Variants in PACRG observed in about 807,000 individuals in gnomAD.
PACRG encodes the protein parkin coregulated gene protein.
A neutral mutation model predicts 29.7 loss-of-function variants in PACRG; 29 were observed. That is an observed-to-expected ratio of 0.98 (90% CI 0.73 to 1.33). The LOEUF (loss-of-function observed/expected upper bound fraction) is 1.33. Ranked by LOEUF, PACRG falls within the 40% of genes most tolerant of loss-of-function variation. PACRG has a pLI of 0.00. For missense variants in PACRG, 279 were observed against 316.2 expected, an observed-to-expected ratio of 0.88 and a Z score of 0.89; for synonymous variants, 116 against 118.7, an observed-to-expected ratio of 0.98 and a Z score of 0.15.
intron 2 of PACRG, among the ~76,000 whole-genome samples, chr6:162,960,816 T>C (rs1007934772): frequency 6.8e-6 from 1 of 146,986 alleles, no homozygotes; most frequent in African/African-American, 2.5e-5. Flanking sequence ...ACACAAACAA[T>C]GTCAGAACAT....
intron 1 of PACRG, among the ~76,000 whole-genome samples, chr6:162,733,280 G>T (rs1193834052): frequency 2.0e-5 from 3 of 152,028 alleles, no homozygotes; most frequent in Non-Finnish European, 2.9e-5. Context: ...GTTCTACTTT[G>T]TATTATGGTC....
intron 2 of PACRG, among the ~76,000 whole-genome samples, chr6:162,922,754 T>C (rs889800918): frequency 6.6e-6 from 1 of 152,216 alleles, no homozygotes; most frequent in African/African-American, 2.4e-5. Flanking sequence ...ATTTTATTCT[T>C]TTTTTATGGC....
At chr6:163,163,280 T>C (rs1778643028) in intron 4 of PACRG, among the ~76,000 whole-genome samples, 1 of 152,114 alleles carries the variant, frequency 6.6e-6, no homozygotes, top group African/African-American at 2.4e-5. Flanking sequence ...GTTGTTGTTG[T>C]TTTCTTTTCG....
intron 2 of PACRG, among the ~76,000 whole-genome samples, chr6:162,899,850 T>G (rs1461093461): frequency 6.6e-6 from 1 of 152,164 alleles, no homozygotes; most frequent in African/African-American, 2.4e-5. Context: ...AGCCCCATCT[T>G]ACAGGAGAGG....
At chr6:162,946,346 A>G (rs1441335051) in intron 2 of PACRG, among the ~76,000 whole-genome samples, 1 of 152,140 alleles carries the variant, frequency 6.6e-6, no homozygotes, top group Non-Finnish European at 1.5e-5. Flanking sequence ...AAAGATCATC[A>G]GAAACTATTA....
intron 1 of PACRG, among the ~76,000 whole-genome samples, chr6:162,783,725 T>C (rs999989059): frequency 6.6e-6 from 1 of 152,024 alleles, no homozygotes; most frequent in Non-Finnish European, 1.5e-5. Context: ...GAAGTATAAT[T>C]GTTGGATCAA....
intron 2 of PACRG, among the ~76,000 whole-genome samples, chr6:162,890,206 C>T (rs541414216): frequency 2.0e-5 from 3 of 152,254 alleles, no homozygotes; most frequent in Admixed American, 1.3e-4. Flanking sequence ...TTCTTTCTAC[C>T]TTTCTACTGG....
chr6:163,086,417 TC>T (rs1287531047), intron 3 of PACRG, among the ~76,000 whole-genome samples: 2 of 152,204 alleles, frequency 1.3e-5, no homozygotes, highest in East Asian at 3.9e-4. Flanking sequence ...ATAGATTTTG[TC>T]CTGCAGTGTG....
chr6:162,882,662 C>G (rs1450837557), intron 2 of PACRG, among the ~76,000 whole-genome samples: 1 of 152,158 alleles, frequency 6.6e-6, no homozygotes, highest in Non-Finnish European at 1.5e-5. Flanking sequence ...AGACTCGACT[C>G]TGAACATCAC....
chr6:162,850,166 T>C lies in PACRG; in HGVS notation c.291+35885T>C, dbSNP rs201437635. ...CATGGTCTATGATCTGTCAATCTCA[T>C]GTGTGTAAGTAAAATCAAAGTTCAT... On this transcript the variant is annotated intron_variant, in intron 2 of 4. Transcript: ENST00000366888. Among the ~76,000 whole-genome samples, 8 of 147,496 alleles carry C rather than the reference T, an allele frequency of 5.4e-5. No homozygotes were observed. The South Asian group carries it at 1.5e-3, about 28-fold the overall frequency.
intron 4 of PACRG, among the ~76,000 whole-genome samples, chr6:163,229,309 A>G (rs1200973020): frequency 6.6e-6 from 1 of 152,058 alleles, no homozygotes; most frequent in Non-Finnish European, 1.5e-5. Flanking sequence ...TAATCGTGCC[A>G]CAGCACTCCA....
rs189705098 is a variant in PACRG, at chr6:163,196,767, C to T, written c.613+107359C>T. 1.0e-3 allele frequency among the ~76,000 whole-genome samples: 157 copies of T among 152,004 alleles called. 1 individual carries two copies. Among genetic ancestry groups the T allele is most frequent in the African/African-American group, 3.7e-3 (152 of 41,460 alleles). On this transcript the variant is annotated intron_variant, in intron 4 of 4. Transcript: ENST00000366888. Reference sequence around the variant, plus strand: ...TTCAGAAGACAGAGCTAAAGAAAGACTAGAGAGACAGACAGACAGACAGAA... The same window carrying T: ...TTCAGAAGACAGAGCTAAAGAAAGATTAGAGAGACAGACAGACAGACAGAA...
At chr6:163,271,242 G>A (rs1263828495) in intron 4 of PACRG, among the ~76,000 whole-genome samples, 1 of 120,444 alleles carries the variant, frequency 8.3e-6, no homozygotes, top group Non-Finnish European at 1.8e-5. Flanking sequence ...ACTGGCAGCT[G>A]ATTAGATGGT....
chr6:162,937,433 C>G (rs1006632916), intron 2 of PACRG, among the ~76,000 whole-genome samples: 1 of 151,934 alleles, frequency 6.6e-6, no homozygotes, highest in African/African-American at 2.4e-5. Flanking sequence ...TGAAAGAATG[C>G]GGGAGGATGC....
chr6:162,914,383 G>A (rs1185604969), intron 2 of PACRG, among the ~76,000 whole-genome samples: 1 of 151,972 alleles, frequency 6.6e-6, no homozygotes, highest in Non-Finnish European at 1.5e-5. Context: ...AGAATAGACG[G>A]TCCAGAAGTA....
chr6:163,068,049 A>G (rs1811708137), intron 3 of PACRG, among the ~76,000 whole-genome samples: 1 of 152,220 alleles, frequency 6.6e-6, no homozygotes, highest in East Asian at 1.9e-4. Flanking sequence ...TTCTGGAGAC[A>G]TTCACTCTTC....
intron 2 of PACRG, among the ~76,000 whole-genome samples, chr6:162,995,501 T>A (rs923717794): frequency 6.6e-6 from 1 of 152,160 alleles, no homozygotes; most frequent in African/African-American, 2.4e-5. Flanking sequence ...GTGACCCGAT[T>A]TTCCAGGTGC....
intron 4 of PACRG, among the ~76,000 whole-genome samples, chr6:163,188,711 A>C (rs1244054631): frequency 2.0e-5 from 3 of 152,210 alleles, no homozygotes; most frequent in African/African-American, 7.2e-5. Flanking sequence ...ATCTGCATAA[A>C]AATTCCCTCA....
chr6:163,222,589 T>A (rs984488463), intron 4 of PACRG, among the ~76,000 whole-genome samples: 4 of 152,114 alleles, frequency 2.6e-5, no homozygotes, highest in African/African-American at 9.7e-5. Context: ...CTTAAAAATA[T>A]ATATATGTGA....
Sources: gnomAD v4.1 joint callset for allele counts (sites outside exome capture counted in the v4.1 genomes callset) on GRCh38, gnomAD v4.1.1 for gene constraint, MANE v1.5 for transcripts, NCBI Gene and HGNC (gene_info 2026-07-23, HGNC 2026-07-21) for gene names.